The following ETFA variants were observed in gnomAD, a reference collection of about 807,000 sequenced individuals.
The protein encoded by ETFA is electron transfer flavoprotein subunit alpha, mitochondrial.
ETFA carries 22 observed loss-of-function variants against 46.2 expected under a neutral mutation model. The observed-to-expected ratio is 0.48, with a 90% CI of 0.34 to 0.68. The LOEUF (loss-of-function observed/expected upper bound fraction) is 0.68, where lower values mean the gene tolerates loss of function less well. Ranked by LOEUF, ETFA falls within the 30% of genes least tolerant of loss-of-function variation. The pLI, the probability that ETFA is intolerant of heterozygous loss-of-function variation, is 0.01. For synonymous variants in ETFA, 131 were observed against 139.9 expected (o/e 0.94, Z 0.45); for missense variants, 345 against 401.1 (o/e 0.86, Z 1.19).
intron 6 of ETFA, among the ~76,000 whole-genome samples, 172 bp downstream of exon 6, chr15:76,286,199 G>A (rs1261782854): frequency 6.6e-6 from 1 of 152,122 alleles, no homozygotes; most frequent in African/African-American, 2.4e-5. Context: ...ATGTGAAAAA[G>A]ATGTAAGTTA....
At chr15:76,306,562 C>T (rs2039942622) in intron 1 of ETFA, among the ~76,000 whole-genome samples, 1 of 151,884 alleles carries the variant, frequency 6.6e-6, no homozygotes, top group Admixed American at 6.6e-5. Context: ...CTGCACCCAG[C>T]CGGTTTTTTT....
intron 1 of ETFA, 49 bp from the exon 2 acceptor site, chr15:76,295,786 G>GTTTTTT: frequency 5.4e-6 from 6 of 1,102,196 alleles, no homozygotes; most frequent in African/African-American, 1.8e-5. Context: ...TTGTCACAGG[G>GTTTTTT]TTTTTTTTTT....
chr15:76,242,503 C>T (rs1019567045), intron 9 of ETFA, among the ~76,000 whole-genome samples: 8 of 152,178 alleles, frequency 5.3e-5, no homozygotes, highest in Non-Finnish European at 8.8e-5. Context: ...CAAAAAGTTA[C>T]ACATAGAACT....
intron 9 of ETFA, among the ~76,000 whole-genome samples, chr15:76,271,918 C>T (rs937181865): frequency 1.9e-4 from 27 of 139,942 alleles, no homozygotes; most frequent in Admixed American, 2.8e-4. Flanking sequence ...TGTATATACA[C>T]ACACACACAC....
chr15:76,301,242 A>C (rs1217775610), intron 1 of ETFA, among the ~76,000 whole-genome samples: 3 of 152,182 alleles, frequency 2.0e-5, no homozygotes, highest in Non-Finnish European at 4.4e-5. Context: ...GGTACCTTGT[A>C]ATTGCCTTCA....
At chr15:76,260,983 T>G in intron 9 of ETFA, 1 of 1,609,854 alleles carries the variant, frequency 6.2e-7, no homozygotes, top group Non-Finnish European at 8.5e-7. Context: ...CAGGCCACAC[T>G]AGTGTTGCCG....
At chr15:76,267,188 G>A (rs2039478018) in intron 9 of ETFA, among the ~76,000 whole-genome samples, 1 of 152,308 alleles carries the variant, frequency 6.6e-6, no homozygotes, top group South Asian at 2.1e-4. Context: ...TTCCTACTAA[G>A]CATTTGCCTA....
intron 1 of ETFA, among the ~76,000 whole-genome samples, chr15:76,296,003 G>A (rs1166066966): frequency 4.9e-5 from 3 of 61,624 alleles, no homozygotes; most frequent in South Asian, 1.2e-3. Flanking sequence ...GTGCAGTGGC[G>A]CGTGCGACCA....
At chr15:76,231,525 G>T in intron 9 of ETFA, 127 bp from the exon 10 acceptor site, 1 of 603,546 alleles carries the variant, frequency 1.7e-6, no homozygotes, top group Non-Finnish European at 2.9e-6. Context: ...AAAATGTATT[G>T]CTTAAATTAT....
chr15:76,245,720 A>G, intron 9 of ETFA, among the ~76,000 whole-genome samples: 1 of 152,364 alleles, frequency 6.6e-6, no homozygotes, highest in South Asian at 2.1e-4. Context: ...CACTAAGCGT[A>G]AGAACACATT....
chr15:76,279,885 G>GA (rs1555458345), intron 8 of ETFA, among the ~76,000 whole-genome samples: 1 of 140,336 alleles, frequency 7.1e-6, no homozygotes, highest in South Asian at 2.3e-4. Flanking sequence ...TTAGTCCTGA[G>GA]TTTTTTTTTT....
intron 1 of ETFA, among the ~76,000 whole-genome samples, chr15:76,308,397 AACTAAAGTCAGCATTACC>A (rs1225632606): frequency 3.9e-5 from 6 of 152,222 alleles, no homozygotes; most frequent in African/African-American, 1.4e-4. Flanking sequence ...TTGGCTAAGT[AACTAAAGTCAGCATTACC>A]ACTAATGGGA....
intron 1 of ETFA, among the ~76,000 whole-genome samples, chr15:76,310,876 T>TG (rs2039990657): frequency 8.4e-6 from 1 of 119,504 alleles, no homozygotes; most frequent in African/African-American, 3.3e-5. Flanking sequence ...TGACAGTGAG[T>TG]GGGTCGGAGT....
chr15:76,260,037 A>G, intron 9 of ETFA: 1 of 1,480,708 alleles, frequency 6.8e-7, no homozygotes, highest in Non-Finnish European at 9.4e-7. Flanking sequence ...CACTTGAGGC[A>G]ATGAGATCAG....
chr15:76,277,383 G>T (rs913223725), intron 8 of ETFA, among the ~76,000 whole-genome samples: 1 of 152,076 alleles, frequency 6.6e-6, no homozygotes, highest in Non-Finnish European at 1.5e-5. Flanking sequence ...TCCCCTTGTC[G>T]GAAGCATGAG....
intron 9 of ETFA, among the ~76,000 whole-genome samples, chr15:76,235,083 G>A (rs2039110246): frequency 6.6e-6 from 1 of 152,126 alleles, no homozygotes. Context: ...GCATGACCAT[G>A]GGCCATTCAT....
At chr15:76,284,002 C>G (rs544315645) in intron 7 of ETFA, among the ~76,000 whole-genome samples, 177 bp from the exon 8 acceptor site, 1 of 152,282 alleles carries the variant, frequency 6.6e-6, no homozygotes, top group African/African-American at 2.4e-5. Flanking sequence ...ATAAAGCATT[C>G]AACACTACTA....
intron 9 of ETFA, among the ~76,000 whole-genome samples, chr15:76,247,284 C>T (rs1017518948): frequency 1.3e-5 from 2 of 152,242 alleles, no homozygotes; most frequent in African/African-American, 4.8e-5. Context: ...TACTCAGCAG[C>T]TGTATCTCAG....
chr15:76,271,505 C>T (rs1453021164), intron 9 of ETFA, among the ~76,000 whole-genome samples: 1 of 152,146 alleles, frequency 6.6e-6, no homozygotes, highest in Non-Finnish European at 1.5e-5. Flanking sequence ...GAAGGTAAGA[C>T]TGTGGAACTA....
Sources: allele counts gnomAD v4.1 joint callset (sites outside exome capture counted in the v4.1 genomes callset), GRCh38; gene constraint gnomAD v4.1.1; transcripts MANE v1.5; gene names NCBI Gene and HGNC (gene_info 2026-07-23, HGNC 2026-07-21).